Variants in CPNE4 observed in about 807,000 individuals in gnomAD.
CPNE4 encodes the protein copine-4.
In CPNE4, 25 loss-of-function variants were observed where a neutral mutation model predicts 67.9. The ratio of observed to expected loss-of-function variants is 0.37; its 90% CI spans 0.27 to 0.51. The LOEUF (loss-of-function observed/expected upper bound fraction) is 0.51, where lower values mean the gene tolerates loss of function less well. Among genes scored for constraint, CPNE4 ranks in the 20% least tolerant of loss-of-function variants. The probability of loss-of-function intolerance (pLI) is 0.93; values close to 1 mark genes in which losing one functional copy is unlikely to be tolerated. For synonymous variants in CPNE4, 242 were observed against 244.9 expected (o/e 0.99, Z 0.11); for missense variants, 464 against 690.8 (o/e 0.67, Z 3.68).
chr3:131,755,943 A>C (rs2082740697), intron 2 of CPNE4, among the ~76,000 whole-genome samples: 1 of 152,158 alleles, frequency 6.6e-6, no homozygotes. Context: ...TCTTCCATAA[A>C]GTTTCTATTT....
chr3:131,695,151 G>A (rs1191542650), intron 5 of CPNE4, among the ~76,000 whole-genome samples: 5 of 152,124 alleles, frequency 3.3e-5, no homozygotes, highest in African/African-American at 1.2e-4. Flanking sequence ...CCAAACTGGA[G>A]CAAAGGCCTC....
At chr3:131,784,122 C>T (rs1434123485) in intron 2 of CPNE4, among the ~76,000 whole-genome samples, 1 of 152,040 alleles carries the variant, frequency 6.6e-6, no homozygotes, top group South Asian at 2.1e-4. Flanking sequence ...CATAGACTCT[C>T]AGGGTTGGAA....
intron 1 of CPNE4, among the ~76,000 whole-genome samples, chr3:131,986,930 A>G (rs2073063950): frequency 6.6e-6 from 1 of 151,820 alleles, no homozygotes; most frequent in Admixed American, 6.6e-5. Context: ...TCAGCTGCAT[A>G]TTACAATCCC....
In CPNE4 at chr3:131,580,867, G is replaced by C. The variant is rs920153433; in HGVS notation, c.867+712C>G. On this transcript the variant is annotated intron_variant, in intron 9 of 15. Transcript: ENST00000429747. Reference sequence around the variant, plus strand: ...TATGGTACGCTTTCAGTATGAATAAGGTACCACATATAAAACACTGGACAG... The same window carrying C: ...TATGGTACGCTTTCAGTATGAATAACGTACCACATATAAAACACTGGACAG... Among the ~76,000 whole-genome samples, 4 of 152,080 alleles carry C rather than the reference G, an allele frequency of 2.6e-5. No individual in the cohort carries two copies. In the East Asian group the frequency reaches 7.7e-4, roughly 29 times the overall value.
chr3:131,940,693 C>T (rs1177281380), intron 1 of CPNE4, among the ~76,000 whole-genome samples: 1 of 151,932 alleles, frequency 6.6e-6, no homozygotes, highest in Non-Finnish European at 1.5e-5. Flanking sequence ...CTCTTCTAGG[C>T]CAGTTCTAGG....
At chr3:131,559,667 T>C (rs944020964) in intron 11 of CPNE4, among the ~76,000 whole-genome samples, 1 of 152,022 alleles carries the variant, frequency 6.6e-6, no homozygotes, top group African/African-American at 2.4e-5. Context: ...TAACAGAATT[T>C]CAAACCAATT....
At chr3:131,713,361 T>C (rs2081605681) in intron 3 of CPNE4, among the ~76,000 whole-genome samples, 1 of 152,154 alleles carries the variant, frequency 6.6e-6, no homozygotes, top group Non-Finnish European at 1.5e-5. Flanking sequence ...ATACCATCTA[T>C]GACTGAACGA....
intron 2 of CPNE4, among the ~76,000 whole-genome samples, chr3:131,800,359 C>T (rs1270856505): frequency 6.6e-6 from 1 of 152,152 alleles, no homozygotes; most frequent in East Asian, 1.9e-4. Context: ...ACCATTATCA[C>T]ATGACAAGCT....
At chr3:131,828,637 G>T (rs944765917) in intron 2 of CPNE4, among the ~76,000 whole-genome samples, 1 of 152,120 alleles carries the variant, frequency 6.6e-6, no homozygotes, top group African/African-American at 2.4e-5. Context: ...CTTTCTCTTG[G>T]ATGAATATTT....
intron 1 of CPNE4, among the ~76,000 whole-genome samples, chr3:131,955,594 A>G (rs942463657): frequency 6.6e-6 from 1 of 151,922 alleles, no homozygotes; most frequent in Non-Finnish European, 1.5e-5. Flanking sequence ...GTATAGAAGC[A>G]TTAGATCTCT....
intron 1 of CPNE4, among the ~76,000 whole-genome samples, chr3:131,944,974 G>C (rs2071507381): frequency 1.3e-5 from 2 of 152,248 alleles, no homozygotes; most frequent in African/African-American, 4.8e-5. Context: ...GCAGTCCCTA[G>C]TTCCAAAAAT....
intron 2 of CPNE4, among the ~76,000 whole-genome samples, chr3:131,832,700 G>C (rs1228022561): frequency 6.6e-6 from 1 of 152,206 alleles, no homozygotes; most frequent in Non-Finnish European, 1.5e-5. Context: ...CACAGATGGA[G>C]AGCAATTTGC....
chr3:131,718,400 AG>A (rs1237794844), intron 3 of CPNE4, among the ~76,000 whole-genome samples: 1 of 152,088 alleles, frequency 6.6e-6, no homozygotes, highest in Non-Finnish European at 1.5e-5. Context: ...CATCAGGACC[AG>A]GCTTTTTCTT....
At chr3:131,735,723 T>C (rs565434535) in intron 2 of CPNE4, among the ~76,000 whole-genome samples, 1 of 152,342 alleles carries the variant, frequency 6.6e-6, no homozygotes, top group African/African-American at 2.4e-5. Context: ...AAAATACAAG[T>C]GGGGCAAGTT....
At chr3:131,777,777 G>A (rs553610625) in intron 2 of CPNE4, among the ~76,000 whole-genome samples, 1 of 152,062 alleles carries the variant, frequency 6.6e-6, no homozygotes. Flanking sequence ...ATGTAGGAGT[G>A]GTAAGGATGT....
intron 3 of CPNE4, among the ~76,000 whole-genome samples, chr3:131,722,442 T>C (rs1347504857): frequency 8.3e-6 from 1 of 121,052 alleles, no homozygotes; most frequent in African/African-American, 2.8e-5. Flanking sequence ...TCCCACCCCA[T>C]ACCCCCCCAC....
intron 14 of CPNE4, among the ~76,000 whole-genome samples, chr3:131,544,954 C>A (rs528218537): frequency 6.6e-6 from 1 of 152,180 alleles, no homozygotes; most frequent in South Asian, 2.1e-4. Flanking sequence ...AATAAAACAA[C>A]CTGATAGTCA....
At chr3:132,020,623 AAGG>A (rs1248481986) in intron 1 of CPNE4, among the ~76,000 whole-genome samples, 1 of 152,134 alleles carries the variant, frequency 6.6e-6, no homozygotes, top group Non-Finnish European at 1.5e-5. Context: ...TGGGGGATGG[AAGG>A]AGGACAATAA....
At chr3:131,886,943 C>T (rs10804601) in intron 2 of CPNE4, among the ~76,000 whole-genome samples, 43,878 of 152,126 alleles carry the variant, frequency 0.29, 7,402 homozygotes, top group Non-Finnish European at 0.37. Flanking sequence ...CTTTGGACTA[C>T]GGACTTTTAG....
Sources: gnomAD v4.1 joint callset for allele counts (sites outside exome capture counted in the v4.1 genomes callset) on GRCh38, gnomAD v4.1.1 for gene constraint, MANE v1.5 for transcripts, NCBI Gene and HGNC (gene_info 2026-07-23, HGNC 2026-07-21) for gene names.